PIR: variants seen among roughly 807,000 people sequenced by gnomAD.
PIR encodes the protein pirin (iron-binding nuclear protein).
In PIR, 22 loss-of-function variants were observed where a neutral mutation model predicts 24.2. The observed-to-expected ratio is 0.91, with a 90% CI of 0.65 to 1.30. The LOEUF (loss-of-function observed/expected upper bound fraction) is 1.30. Ranked by LOEUF, PIR falls within the 50% of genes most tolerant of loss-of-function variation. The pLI is 0.00. For synonymous variants in PIR, 80 were observed against 79.6 expected (o/e 1.00, Z -0.03); for missense variants, 220 against 220.3 (o/e 1.00, Z 0.01).
chrX:15,430,989 C>T (rs1260785639), intron 5 of PIR, among the ~76,000 whole-genome samples: 1 of 112,141 alleles, frequency 8.9e-6, no homozygotes, highest in Non-Finnish European at 1.9e-5. Flanking sequence ...TGTCATAATG[C>T]TTTGTGAATG....
intron 5 of PIR, among the ~76,000 whole-genome samples, chrX:15,437,436 TGAA>T (rs757597178): frequency 2.6e-3 from 286 of 111,889 alleles, no homozygotes; most frequent in African/African-American, 7.9e-3. Context: ...GCTGAATGAA[TGAA>T]TGAATTGAAA....
At chrX:15,448,285 A>G (rs1195929238) in intron 5 of PIR, among the ~76,000 whole-genome samples, 1 of 112,464 alleles carries the variant, frequency 8.9e-6, no homozygotes, top group African/African-American at 3.2e-5. Flanking sequence ...GTTGCTGGGT[A>G]CATTTCTTTG....
chrX:15,455,974 A>G lies in PIR; in HGVS notation c.354T>C (p.Val118=). The G allele has an allele frequency of 2.5e-6, 3 of 1,210,888 alleles. No individual in the cohort carries two copies. Among genetic ancestry groups the G allele is most frequent in the Non-Finnish European group, 3.4e-6 (3 of 894,544 alleles). ...EEPAHGLQLW[V]NLRSSEKMVE... ...CCATCTTCTCTGAGCTCCTCAAATT[A>G]ACCCACAGTTGTAGGCCATGGGCTG... The change falls in exon 5 of 10, where the codon GTT becomes GTC. Residue 118 remains valine (V), a synonymous_variant. Coordinates refer to ENST00000380420, the MANE Select transcript of PIR (RefSeq NM_001018109.3).
In PIR at chrX:15,440,219, C is replaced by G. The variant is rs1177630807; in HGVS notation, c.481-14229G>C. 4.5e-5 allele frequency among the ~76,000 whole-genome samples: 5 copies of G among 111,720 alleles called. No individual in the cohort carries two copies. The Admixed American group carries it at 4.8e-4, about 11-fold the overall frequency. ...TGTATTTATTTAGATATATGGGTGTCCTTGAAAAATGAGTAGTATTGTGTG... is the reference window on the plus strand; with the variant it reads ...TGTATTTATTTAGATATATGGGTGTGCTTGAAAAATGAGTAGTATTGTGTG... On this transcript the variant is annotated intron_variant, in intron 5 of 9. Coordinates refer to ENST00000380420, the MANE Select transcript of PIR (RefSeq NM_001018109.3).
At chrX:15,395,938 G>C (rs1354489411) in intron 8 of PIR, among the ~76,000 whole-genome samples, 2 of 111,862 alleles carry the variant, frequency 1.8e-5, no homozygotes, top group Non-Finnish European at 3.8e-5. Flanking sequence ...GATGGTTTCA[G>C]CTGACTCTTT....
chrX:15,465,579 G>A (rs1921528089), intron 3 of PIR, among the ~76,000 whole-genome samples: 1 of 112,128 alleles, frequency 8.9e-6, no homozygotes, highest in African/African-American at 3.2e-5. Flanking sequence ...TTTGTAATCT[G>A]AAACAGGTGT....
chrX:15,438,466 C>T (rs888884093), intron 5 of PIR, among the ~76,000 whole-genome samples: 3 of 112,400 alleles, frequency 2.7e-5, no homozygotes, highest in Non-Finnish European at 5.6e-5. Context: ...AGCACAGACC[C>T]TGGAGCCAGA....
chrX:15,426,252 T>C (rs1925314284), intron 5 of PIR, among the ~76,000 whole-genome samples: 1 of 111,485 alleles, frequency 9.0e-6, no homozygotes, highest in African/African-American at 3.3e-5. Flanking sequence ...TTCTCAAATA[T>C]AGTCCAATAG....
At chrX:15,416,251 A>G (rs1235757683) in intron 6 of PIR, among the ~76,000 whole-genome samples, 2 of 111,875 alleles carry the variant, frequency 1.8e-5, no homozygotes, top group Non-Finnish European at 3.8e-5. Context: ...TACTGCTGGG[A>G]AGTAGAGAGC....
chrX:15,445,830 T>TC (rs1203373270), intron 5 of PIR, among the ~76,000 whole-genome samples: 8 of 77,601 alleles, frequency 1.0e-4, no homozygotes, highest in African/African-American at 4.2e-4. Flanking sequence ...CTTTTTTTTT[T>TC]TTTTTTTTTT....
intron 4 of PIR, among the ~76,000 whole-genome samples, chrX:15,459,383 A>C (rs1448472985): frequency 8.9e-6 from 1 of 112,037 alleles, no homozygotes; most frequent in Non-Finnish European, 1.9e-5. Flanking sequence ...AAGATAAGGA[A>C]GTTGGGATAT....
chrX:15,446,662 A>G (rs1481574289), intron 5 of PIR, among the ~76,000 whole-genome samples: 1 of 111,215 alleles, frequency 9.0e-6, no homozygotes, highest in East Asian at 2.8e-4. Context: ...GATTGGACTG[A>G]GCCTCCTCCT....
intron 1 of PIR, among the ~76,000 whole-genome samples, chrX:15,492,345 A>G (rs1923208763): frequency 9.0e-6 from 1 of 111,590 alleles, no homozygotes; most frequent in Non-Finnish European, 1.9e-5. Flanking sequence ...TTGGCAATGT[A>G]TCTCATATTT....
chrX:15,433,547 AGAGAAAGAAAGAAAGAG>A (rs1569201528), intron 5 of PIR, among the ~76,000 whole-genome samples: 3 of 60,964 alleles, frequency 4.9e-5, no homozygotes, highest in South Asian at 1.0e-3. Flanking sequence ...AAAGAAAGAG[AGAGAAAGAAAGAAAGAG>A]AGAGAAAGAA....
At chrX:15,480,697 T>C (rs1199602999) in intron 2 of PIR, among the ~76,000 whole-genome samples, 1 of 111,845 alleles carries the variant, frequency 8.9e-6, no homozygotes, top group Non-Finnish European at 1.9e-5. Context: ...AGGAAAGATA[T>C]TCCAGGTAGA....
intron 3 of PIR, among the ~76,000 whole-genome samples, chrX:15,468,484 T>C (rs113335638): frequency 0.014 from 1,598 of 112,947 alleles, 28 homozygotes; most frequent in African/African-American, 0.047. Context: ...CACAGGGGTC[T>C]TACAGAGGAA....
intron 6 of PIR, among the ~76,000 whole-genome samples, chrX:15,423,842 C>A (rs930194093): frequency 1.8e-5 from 2 of 111,910 alleles, no homozygotes; most frequent in Non-Finnish European, 3.8e-5. Context: ...TACTAATCAC[C>A]AGAGAAATGC....
intron 5 of PIR, among the ~76,000 whole-genome samples, chrX:15,433,497 AAGG>A (rs1392734051): frequency 8.2e-5 from 8 of 97,356 alleles, no homozygotes; most frequent in Admixed American, 3.5e-4. Flanking sequence ...GAGGAAGAAG[AAGG>A]AGGAGGAGGA....
intron 6 of PIR, among the ~76,000 whole-genome samples, chrX:15,419,343 CTGTGTGTGTGTGTGTGTGTGTGTG>C (rs34664851): frequency 1.3e-5 from 1 of 78,293 alleles, no homozygotes; most frequent in African/African-American, 4.6e-5. Flanking sequence ...ATGGATAAGT[CTGTGTGTGTGTGTGTGTGTGTGTG>C]TGTGTGTGTG....
Sources: gnomAD v4.1 joint callset for allele counts (sites outside exome capture counted in the v4.1 genomes callset) on GRCh38, gnomAD v4.1.1 for gene constraint, MANE v1.5 for transcripts, NCBI Gene and HGNC (gene_info 2026-07-23, HGNC 2026-07-21) for gene names.